Variants in DIP2B observed in about 807,000 individuals in gnomAD.
DIP2B encodes the protein disco-interacting protein 2 homolog B.
A neutral mutation model predicts 198.0 loss-of-function variants in DIP2B; 76 were observed. The observed-to-expected ratio is 0.38, with a 90% CI of 0.32 to 0.46. The LOEUF is 0.46. Among genes scored for constraint, DIP2B ranks in the 20% least tolerant of loss-of-function variants. DIP2B has a pLI of 0.99. For synonymous variants in DIP2B, 701 were observed against 739.1 expected (o/e 0.95, Z 0.84); for missense variants, 1,559 against 1,978.4 (o/e 0.79, Z 4.02).
At chr12:50,544,732 C>T (rs1262700490) in intron 1 of DIP2B, among the ~76,000 whole-genome samples, 1 of 151,870 alleles carries the variant, frequency 6.6e-6, no homozygotes, top group Non-Finnish European at 1.5e-5. Context: ...ATTCTCCTGC[C>T]TCAGCCTCCT....
At chr12:50,665,550 C>T (rs1183746293) in intron 4 of DIP2B, among the ~76,000 whole-genome samples, 1 of 152,128 alleles carries the variant, frequency 6.6e-6, no homozygotes, top group African/African-American at 2.4e-5. Flanking sequence ...TGAGACCAGC[C>T]TGGGCAACAT....
intron 1 of DIP2B, among the ~76,000 whole-genome samples, chr12:50,543,923 T>TAA (rs1958350892): frequency 1.8e-4 from 4 of 21,688 alleles, no homozygotes; most frequent in Non-Finnish European, 2.6e-4. Context: ...GACTCAGCCT[T>TAA]TAAAAAAAAA....
intron 12 of DIP2B, chr12:50,687,008 G>C (rs1055270040): frequency 9.8e-6 from 2 of 204,558 alleles, no homozygotes; most frequent in Non-Finnish European, 1.9e-5. Flanking sequence ...AGAGAGGTTG[G>C]GGGTAAGAGA....
rs1483935912 is a variant in DIP2B, at chr12:50,695,456, G to GCA, written c.1813+96_1813+97insCA. The GCA allele has an allele frequency of 9.7e-5, 110 of 1,138,594 alleles. No homozygotes were observed. The African/African-American group carries it at 1.6e-3, about 16-fold the overall frequency. The allele number at this position is 1,138,594 out of a possible 1,614,324, so 70.5% of individuals were successfully genotyped here. ...TTTCAAATTGCCCTTGTATGCCCCT[G>GCA]TCCCTTAACAAATTGTAGAGTTTAG... On this transcript the variant is annotated intron_variant, in intron 15 of 37. Transcript: ENST00000301180.
intron 3 of DIP2B, among the ~76,000 whole-genome samples, chr12:50,645,966 T>C (rs1254790608): frequency 6.6e-6 from 1 of 152,114 alleles, no homozygotes; most frequent in African/African-American, 2.4e-5. Context: ...ATGGTGGGTC[T>C]AGGGAAAGTT....
intron 2 of DIP2B, among the ~76,000 whole-genome samples, chr12:50,639,557 T>C (rs2139485442): frequency 6.6e-6 from 1 of 152,214 alleles, no homozygotes; most frequent in East Asian, 1.9e-4. Flanking sequence ...TGTGTGGCAC[T>C]GTTGCTTGTA....
chr12:50,551,768 A>T (rs1352190946), intron 1 of DIP2B, among the ~76,000 whole-genome samples: 1 of 152,190 alleles, frequency 6.6e-6, no homozygotes, highest in East Asian at 1.9e-4. Flanking sequence ...TTTAAAGCTG[A>T]ATAATGTTCC....
At chr12:50,706,394 A>T in intron 20 of DIP2B, 144 bp from the exon 21 acceptor site, 1 of 960,020 alleles carries the variant, frequency 1.0e-6, no homozygotes, top group African/African-American at 1.6e-5. Context: ...CAAGATGTGA[A>T]ATGCTTTCTC....
At chr12:50,657,509 T>C (rs1315187155) in intron 3 of DIP2B, among the ~76,000 whole-genome samples, 1 of 151,998 alleles carries the variant, frequency 6.6e-6, no homozygotes, top group Non-Finnish European at 1.5e-5. Flanking sequence ...TATTTCTGGC[T>C]GGGCATGGTG....
chr12:50,506,452 G>C (rs1419832082), intron 1 of DIP2B, among the ~76,000 whole-genome samples: 3 of 152,142 alleles, frequency 2.0e-5, no homozygotes, highest in African/African-American at 7.2e-5. Flanking sequence ...AAATAGAGTT[G>C]AATGTTATAA....
At chr12:50,524,451 C>A (rs1958145394) in intron 1 of DIP2B, among the ~76,000 whole-genome samples, 1 of 152,172 alleles carries the variant, frequency 6.6e-6, no homozygotes, top group Admixed American at 6.5e-5. Flanking sequence ...TTTCCCCTCA[C>A]CCATTGTGCT....
chr12:50,723,272 A>G lies in DIP2B; in HGVS notation c.3237A>G (p.Pro1079=). ...AGCIPVTVRP[P]HAQNLTATLP... ...GTATACCTGTGACCGTCAGACCTCCACATGCTCAGAACCTCACGGCCACGC... is the reference window on the plus strand; with the variant it reads ...GTATACCTGTGACCGTCAGACCTCCGCATGCTCAGAACCTCACGGCCACGC... The change falls in exon 27 of 38, where the codon CCA becomes CCG. Residue 1079 remains proline (P), a synonymous_variant. Coordinates refer to ENST00000301180, the MANE Select transcript of DIP2B (RefSeq NM_173602.3). 2 of 1,614,130 alleles carry G rather than the reference A, an allele frequency of 1.2e-6. No homozygotes were observed. Among genetic ancestry groups the G allele is most frequent in the Non-Finnish European group, 1.7e-6 (2 of 1,180,022 alleles).
intron 3 of DIP2B, among the ~76,000 whole-genome samples, chr12:50,649,185 A>G (rs541822810): frequency 2.0e-5 from 3 of 152,358 alleles, no homozygotes; most frequent in African/African-American, 7.2e-5. Context: ...AAATTACTTT[A>G]CAAATCTAAT....
chr12:50,549,357 T>C (rs1347036212), intron 1 of DIP2B, among the ~76,000 whole-genome samples: 2 of 151,966 alleles, frequency 1.3e-5, no homozygotes, highest in African/African-American at 4.8e-5. Context: ...GGTGAAACCC[T>C]GTCTCTACTA....
chr12:50,664,533 C>T, intron 4 of DIP2B, among the ~76,000 whole-genome samples: 1 of 152,172 alleles, frequency 6.6e-6, no homozygotes. Flanking sequence ...TACCTCAGCT[C>T]TTTCTTTGTA....
chr12:50,644,007 A>C (rs1435433641), intron 3 of DIP2B, among the ~76,000 whole-genome samples: 1 of 152,240 alleles, frequency 6.6e-6, no homozygotes, highest in Non-Finnish European at 1.5e-5. Flanking sequence ...TGGTAAGTGT[A>C]ATTATAAAAC....
intron 1 of DIP2B, among the ~76,000 whole-genome samples, chr12:50,520,124 G>A (rs1455686299): frequency 2.2e-5 from 3 of 135,284 alleles, no homozygotes; most frequent in Non-Finnish European, 3.1e-5. Context: ...TGCAGCCTCC[G>A]CCTCCTGGGT....
intron 8 of DIP2B, chr12:50,679,419 A>C (rs943960538): frequency 6.4e-6 from 1 of 156,822 alleles, no homozygotes; most frequent in African/African-American, 2.4e-5. Flanking sequence ...TCTCCTTTGC[A>C]AGTGGAGCAC....
At chr12:50,582,485 C>A (rs1441541831) in intron 1 of DIP2B, among the ~76,000 whole-genome samples, 2 of 152,110 alleles carry the variant, frequency 1.3e-5, no homozygotes. Flanking sequence ...ATTAAGGAAG[C>A]AGAGTAGAAT....
Sources: gnomAD v4.1 joint callset for allele counts (sites outside exome capture counted in the v4.1 genomes callset) on GRCh38, gnomAD v4.1.1 for gene constraint, MANE v1.5 for transcripts, NCBI Gene and HGNC (gene_info 2026-07-23, HGNC 2026-07-21) for gene names.